CCDC148: variants seen among roughly 807,000 people sequenced by gnomAD.
CCDC148 encodes coiled-coil domain-containing protein 148.
Under a neutral mutation model 85.7 loss-of-function variants are expected in CCDC148, and 89 were observed. The ratio of observed to expected loss-of-function variants is 1.04; its 90% CI spans 0.87 to 1.24. The LOEUF is 1.24. Among genes scored for constraint, CCDC148 ranks in the 50% most tolerant of loss-of-function variants. The pLI, the probability that CCDC148 is intolerant of heterozygous loss-of-function variation, is 0.00. For missense variants in CCDC148, 692 were observed against 671.7 expected (o/e 1.03, Z -0.33); for synonymous variants, 230 against 213.9 (o/e 1.08, Z -0.66).
intron 1 of CCDC148, among the ~76,000 whole-genome samples, chr2:158,399,315 C>A (rs1685669062): frequency 6.6e-6 from 1 of 152,072 alleles, no homozygotes; most frequent in Non-Finnish European, 1.5e-5. Flanking sequence ...GGCAGAGACA[C>A]ACACACAAAA....
rs76275291 is a variant in CCDC148, at chr2:158,433,184, T to C, written c.25+23231A>G. On this transcript the variant is annotated intron_variant, in intron 1 of 13. Coordinates refer to ENST00000283233, the MANE Select transcript of CCDC148 (RefSeq NM_138803.4). ...TAGAGGCAGGAGGATTGTTCAGGCCTAGGAAGTCAAGGCCACAGTGAGCTG... is the reference window on the plus strand; with the variant it reads ...TAGAGGCAGGAGGATTGTTCAGGCCCAGGAAGTCAAGGCCACAGTGAGCTG... Among the ~76,000 whole-genome samples the C allele has an allele frequency of 5.0e-3, 709 of 142,776 alleles. 7 individuals are homozygous for C. Among genetic ancestry groups the C allele is most frequent in the African/African-American group, 0.017 (654 of 39,276 alleles). The allele number at this position is 142,776 out of a possible 152,430, so 93.7% of individuals were successfully genotyped here.
At chr2:158,342,026 C>T (rs4028065) in intron 3 of CCDC148, among the ~76,000 whole-genome samples, 27,313 of 64,558 alleles carry the variant, frequency 0.42, 7,818 homozygotes, top group South Asian at 0.63. Flanking sequence ...ATTTTCTTTT[C>T]TTTTTTTTTT....
At chr2:158,456,368 T>C in intron 1 of CCDC148, 47 bp downstream of exon 1, 1 of 1,593,084 alleles carries the variant, frequency 6.3e-7, no homozygotes, top group Non-Finnish European at 8.6e-7. Flanking sequence ...GGTGGCTCAG[T>C]GACGTCAGGA....
intron 7 of CCDC148, among the ~76,000 whole-genome samples, chr2:158,323,010 T>G (rs550992408): frequency 2.0e-5 from 3 of 152,266 alleles, no homozygotes; most frequent in Admixed American, 6.5e-5. Flanking sequence ...CATCCAAATG[T>G]TAGGAAATTA....
intron 11 of CCDC148, among the ~76,000 whole-genome samples, chr2:158,209,554 T>C: frequency 6.6e-6 from 1 of 152,056 alleles, no homozygotes. Flanking sequence ...GGTGTAAAGG[T>C]TGCCAGAGAG....
At chr2:158,283,556 C>T (rs2105178810) in intron 9 of CCDC148, among the ~76,000 whole-genome samples, 1 of 152,296 alleles carries the variant, frequency 6.6e-6, no homozygotes, top group South Asian at 2.1e-4. Context: ...CAGAGAAATG[C>T]AAATCAAAAC....
intron 1 of CCDC148, among the ~76,000 whole-genome samples, chr2:158,390,088 T>A (rs975655207): frequency 6.6e-6 from 1 of 152,196 alleles, no homozygotes; most frequent in Admixed American, 6.6e-5. Context: ...CTACCCTATA[T>A]GCTGCTTAGG....
At chr2:158,186,519 T>G (rs913332952) in intron 11 of CCDC148, among the ~76,000 whole-genome samples, 2 of 152,102 alleles carry the variant, frequency 1.3e-5, no homozygotes, top group African/African-American at 2.4e-5. Flanking sequence ...AGATTTCCAT[T>G]GTTCAACAAT....
chr2:158,181,810 G>A (rs1005450529), intron 11 of CCDC148, among the ~76,000 whole-genome samples: 11 of 152,124 alleles, frequency 7.2e-5, no homozygotes, highest in African/African-American at 2.6e-4. Context: ...GCTGGACTGT[G>A]GGGGTTTTGA....
intron 11 of CCDC148, among the ~76,000 whole-genome samples, chr2:158,196,454 G>C (rs1685673989): frequency 6.6e-6 from 1 of 152,088 alleles, no homozygotes; most frequent in African/African-American, 2.4e-5. Context: ...CCCCCAGCCA[G>C]TTGTTAAATA....
intron 7 of CCDC148, among the ~76,000 whole-genome samples, chr2:158,326,499 C>T (rs1692785018): frequency 6.6e-6 from 1 of 152,066 alleles, no homozygotes; most frequent in Admixed American, 6.6e-5. Flanking sequence ...AATAAATGTT[C>T]AATAAATATT....
At chr2:158,442,233 T>C (rs1687965696) in intron 1 of CCDC148, among the ~76,000 whole-genome samples, 1 of 152,198 alleles carries the variant, frequency 6.6e-6, no homozygotes, top group African/African-American at 2.4e-5. Flanking sequence ...TTGAAAGAGC[T>C]AAGAACAGAT....
At position 158,334,264 on chromosome 2, in the gene CCDC148, C is replaced by A. The variant is rs559312083; in HGVS notation, c.764+4462G>T. Among the ~76,000 whole-genome samples the A allele has an allele frequency of 1.3e-4, 20 of 152,258 alleles. No homozygotes were observed. In the South Asian group the frequency reaches 3.9e-3, roughly 30 times the overall value. ...AGGTTTCTGCTCATGTATTTCTGCT[C>A]CAGTAAGTTGTAATTCTTTGTATCT... On this transcript the variant is annotated intron_variant, in intron 7 of 13. Transcript: ENST00000283233.
chr2:158,354,500 C>G (rs1409108674), intron 2 of CCDC148, among the ~76,000 whole-genome samples: 2 of 152,010 alleles, frequency 1.3e-5, no homozygotes, highest in Admixed American at 6.5e-5. Context: ...AATTCCTCGA[C>G]ACATACACTC....
intron 13 of CCDC148, among the ~76,000 whole-genome samples, chr2:158,174,539 C>T (rs969487527): frequency 7.3e-5 from 11 of 150,718 alleles, no homozygotes; most frequent in African/African-American, 2.7e-4. Context: ...GACAGGGATA[C>T]ATTCTGAGAA....
At chr2:158,279,952 A>G (rs1574533946) in intron 9 of CCDC148, among the ~76,000 whole-genome samples, 3 of 151,874 alleles carry the variant, frequency 2.0e-5, no homozygotes, top group Admixed American at 2.0e-4. Flanking sequence ...ACAAGCCAGA[A>G]GAGAGTGGGG....
intron 2 of CCDC148, among the ~76,000 whole-genome samples, chr2:158,351,576 T>C (rs373825077): frequency 6.6e-5 from 10 of 151,502 alleles, no homozygotes; most frequent in African/African-American, 1.5e-4. Flanking sequence ...GAGGGTCCTA[T>C]GCCCACGGAG....
intron 1 of CCDC148, among the ~76,000 whole-genome samples, chr2:158,383,876 T>C (rs1391054610): frequency 1.3e-5 from 2 of 152,178 alleles, no homozygotes; most frequent in Admixed American, 6.6e-5. Context: ...ATGTCCTTTA[T>C]AGAAAAAGGC....
intron 11 of CCDC148, among the ~76,000 whole-genome samples, chr2:158,190,126 A>G (rs1191844269): frequency 6.6e-6 from 1 of 151,970 alleles, no homozygotes; most frequent in Non-Finnish European, 1.5e-5. Context: ...AAATTGAATT[A>G]CTGGAGAACA....
Sources: gnomAD v4.1 joint callset for allele counts (sites outside exome capture counted in the v4.1 genomes callset) on GRCh38, gnomAD v4.1.1 for gene constraint, MANE v1.5 for transcripts, NCBI Gene and HGNC (gene_info 2026-07-23, HGNC 2026-07-21) for gene names.